CHST11: variants seen among roughly 807,000 people sequenced by gnomAD.
The protein encoded by CHST11 is C4S-1.
CHST11 carries 9 observed loss-of-function variants against 30.4 expected under a neutral mutation model. The observed-to-expected ratio is 0.30, with a 90% CI of 0.18 to 0.52. The LOEUF (loss-of-function observed/expected upper bound fraction) is 0.52. CHST11 is among the 20% of genes least tolerant of loss of function. The pLI is 0.97. For synonymous variants in CHST11, 152 were observed against 187.8 expected, an observed-to-expected ratio of 0.81 and a Z score of 1.56; for missense variants, 348 against 460.6, an observed-to-expected ratio of 0.76 and a Z score of 2.24.
chr12:104,632,041 T>G (rs74524582), intron 2 of CHST11, among the ~76,000 whole-genome samples: 1,787 of 152,270 alleles, frequency 0.012, 13 homozygotes, highest in Non-Finnish European at 0.019. Flanking sequence ...AGGGGCCGAC[T>G]CTTTAGCAGG....
In CHST11 at chr12:104,660,139, G is replaced by A. The variant is rs76163630; in HGVS notation, c.204+58148G>A. On this transcript the variant is annotated intron_variant, in intron 2 of 2. Coordinates refer to ENST00000303694, the MANE Select transcript of CHST11 (RefSeq NM_018413.6). The stretch of plus-strand genomic sequence containing the variant: ...AGGGACCACATCTGTTTTGCTTATC[G>A]CTGTATCCCAGCACCTAGCCCAGAT... 7.0e-3 allele frequency among the ~76,000 whole-genome samples: 1,071 copies of A among 152,280 alleles called. 39 individuals are homozygous for A. In the East Asian group the frequency reaches 0.11, roughly 16 times the overall value.
intron 2 of CHST11, among the ~76,000 whole-genome samples, chr12:104,634,068 AT>A (rs2039299181): frequency 6.6e-6 from 1 of 152,228 alleles, no homozygotes. Context: ...TGACATAGCA[AT>A]TAACAAAACA....
intron 1 of CHST11, among the ~76,000 whole-genome samples, chr12:104,475,684 A>T (rs867441484): frequency 9.3e-6 from 1 of 107,704 alleles, no homozygotes; most frequent in Non-Finnish European, 2.0e-5. Context: ...ATATATATAT[A>T]TATATATTTC....
At chr12:104,738,951 C>CT (rs1185796066) in intron 2 of CHST11, among the ~76,000 whole-genome samples, 2 of 152,250 alleles carry the variant, frequency 1.3e-5, no homozygotes, top group Non-Finnish European at 2.9e-5. Flanking sequence ...ATGGAGCTGC[C>CT]ACCAGGTTGC....
At chr12:104,596,500 G>A (rs910312318) in intron 1 of CHST11, among the ~76,000 whole-genome samples, 4 of 152,174 alleles carry the variant, frequency 2.6e-5, no homozygotes, top group Admixed American at 6.5e-5. Context: ...GGGTAAAAGC[G>A]TCTTTTACTG....
chr12:104,545,848 C>A (rs545738509), intron 1 of CHST11, among the ~76,000 whole-genome samples: 156 of 151,668 alleles, frequency 1.0e-3, no homozygotes, highest in African/African-American at 3.5e-3. Context: ...TTTTTAAAAG[C>A]AGCATCTCAC....
intron 2 of CHST11, among the ~76,000 whole-genome samples, chr12:104,619,288 G>A (rs1205402138): frequency 6.6e-6 from 1 of 152,228 alleles, no homozygotes; most frequent in Non-Finnish European, 1.5e-5. Flanking sequence ...CCTGAACCAG[G>A]ACTGGGTTTG....
At chr12:104,593,753 G>C (rs960061667) in intron 1 of CHST11, among the ~76,000 whole-genome samples, 1 of 152,194 alleles carries the variant, frequency 6.6e-6, no homozygotes, top group Non-Finnish European at 1.5e-5. Context: ...TCTGTAAAAT[G>C]GGTGTGATAC....
chr12:104,492,804 C>T (rs773808399), intron 1 of CHST11, among the ~76,000 whole-genome samples: 4 of 152,096 alleles, frequency 2.6e-5, no homozygotes, highest in South Asian at 2.1e-4. Context: ...GAGACCGAGG[C>T]GGGCAGATCA....
At chr12:104,685,560 C>G (rs923572328) in intron 2 of CHST11, among the ~76,000 whole-genome samples, 1 of 152,230 alleles carries the variant, frequency 6.6e-6, no homozygotes. Context: ...TCAGGCAAGT[C>G]TCTCAGCCTA....
At chr12:104,679,931 G>T (rs972345913) in intron 2 of CHST11, among the ~76,000 whole-genome samples, 6 of 152,168 alleles carry the variant, frequency 3.9e-5, no homozygotes, top group Non-Finnish European at 7.3e-5. Flanking sequence ...TGTTTTTGTT[G>T]TTGGTTTGTT....
chr12:104,578,819 T>C (rs951580455), intron 1 of CHST11, among the ~76,000 whole-genome samples: 4 of 152,206 alleles, frequency 2.6e-5, no homozygotes, highest in African/African-American at 9.6e-5. Context: ...ACAGTGTTAA[T>C]TGGAGATAGA....
chr12:104,552,250 C>T (rs1441423289), intron 1 of CHST11: 2 of 152,328 alleles, frequency 1.3e-5, no homozygotes, highest in African/African-American at 4.8e-5. Context: ...TCAGGATCTT[C>T]CTTTCCCATT....
chr12:104,673,157 G>A (rs568418231), intron 2 of CHST11, among the ~76,000 whole-genome samples: 1 of 152,146 alleles, frequency 6.6e-6, no homozygotes, highest in African/African-American at 2.4e-5. Context: ...ATAAAGACAC[G>A]TCATTAATAT....
At chr12:104,669,477 G>A (rs543794735) in intron 2 of CHST11, among the ~76,000 whole-genome samples, 5 of 152,266 alleles carry the variant, frequency 3.3e-5, no homozygotes, top group African/African-American at 2.4e-5. Context: ...CCCCGAGGCC[G>A]GATTCTGAAT....
intron 2 of CHST11, among the ~76,000 whole-genome samples, chr12:104,695,795 A>G (rs1350278993): frequency 6.6e-6 from 1 of 152,172 alleles, no homozygotes; most frequent in African/African-American, 2.4e-5. Context: ...TCTTGTGGGT[A>G]GCTGGCATTG....
chr12:104,596,885 A>G (rs551185601), intron 1 of CHST11, among the ~76,000 whole-genome samples: 2 of 152,242 alleles, frequency 1.3e-5, no homozygotes, highest in Middle Eastern at 3.4e-3. Context: ...CTGTAAATCG[A>G]GGGGATTGGC....
intron 1 of CHST11, among the ~76,000 whole-genome samples, chr12:104,599,306 T>C (rs2038935852): frequency 6.6e-6 from 1 of 152,154 alleles, no homozygotes; most frequent in South Asian, 2.1e-4. Flanking sequence ...AATTAAATAA[T>C]ACTGCCCCCC....
chr12:104,681,807 T>A (rs2039797806), intron 2 of CHST11, among the ~76,000 whole-genome samples: 1 of 151,304 alleles, frequency 6.6e-6, no homozygotes, highest in African/African-American at 2.4e-5. Flanking sequence ...TACCTCTTTT[T>A]TCTTTTTGTC....
Sources: gnomAD v4.1 joint callset for allele counts (sites outside exome capture counted in the v4.1 genomes callset) on GRCh38, gnomAD v4.1.1 for gene constraint, MANE v1.5 for transcripts, NCBI Gene and HGNC (gene_info 2026-07-23, HGNC 2026-07-21) for gene names.